The following AKR1C2 variants were observed in gnomAD, a reference collection of about 807,000 sequenced individuals.
AKR1C2 encodes 3-alpha-HSD3.
AKR1C2 carries 27 observed loss-of-function variants against 39.8 expected under a neutral mutation model. The observed-to-expected ratio is 0.68, with a 90% CI of 0.50 to 0.93. The LOEUF (loss-of-function observed/expected upper bound fraction) is 0.93. AKR1C2 is among the 40% of genes least tolerant of loss of function. The pLI is 0.00. For synonymous variants in AKR1C2, 114 were observed against 137.9 expected (o/e 0.83, Z 1.22); for missense variants, 263 against 365.1 (o/e 0.72, Z 2.28).
At chr10:5,000,142 G>C (rs41304583) in intron 3 of AKR1C2, 9 of 1,295,546 alleles carry the variant, frequency 6.9e-6, no homozygotes, top group Admixed American at 3.8e-5. Flanking sequence ...CTTGCCCCTT[G>C]AAAAGAGGCA....
At chr10:5,010,300 C>G (rs1337578269) in intron 1 of AKR1C2, 1 of 152,222 alleles carries the variant, frequency 6.6e-6, no homozygotes, top group Non-Finnish European at 1.5e-5. Flanking sequence ...ACCCCTGTCG[C>G]AAGTCCTGCA....
At chr10:5,006,838 C>CG (rs1397360552), upstream of AKR1C2, among the ~76,000 whole-genome samples, 29 of 150,152 alleles carry the variant, frequency 1.9e-4, no homozygotes, top group African/African-American at 3.2e-4. Context: ...TGCAGTGGTA[C>CG]ATCTCAGCTC....
chr10:5,014,691 G>T (rs143412589), intron 1 of AKR1C2, among the ~76,000 whole-genome samples: 1 of 152,162 alleles, frequency 6.6e-6, no homozygotes, highest in African/African-American at 2.4e-5. Flanking sequence ...CAGTGAAAGC[G>T]TTCCCTCTAG....
chr10:5,001,665 G>C lies in AKR1C2; in HGVS notation c.101C>G (p.Ala34Gly), dbSNP rs782384377. The stretch of plus-strand genomic sequence containing the variant: ...TATTGCCAATTTGACGGCCTCTAGA[G>C]CTTTACTTTTAGGAACCTGGGGGAG... ...YAPAEVPKSK[A>G]LEAVKLAIEA... The change falls in exon 2 of 9, where the codon GCT becomes GGT. Residue 34 changes from alanine to glycine, a missense_variant. Transcript: ENST00000380753. The C allele has an allele frequency of 2.5e-6, 4 of 1,613,810 alleles. No homozygotes were observed. The highest frequency in any genetic ancestry group is 3.4e-6 in the Non-Finnish European group (4 of 1,179,792).
At chr10:4,993,966 C>A (rs1237957917) in intron 7 of AKR1C2, among the ~76,000 whole-genome samples, 11 of 151,440 alleles carry the variant, frequency 7.3e-5, no homozygotes, top group Non-Finnish European at 1.3e-4. Context: ...TAATGAATGC[C>A]ATTACCTAGA....
chr10:5,000,912 T>A (rs1400009933), intron 2 of AKR1C2, among the ~76,000 whole-genome samples: 22 of 152,326 alleles, frequency 1.4e-4, no homozygotes, highest in African/African-American at 5.1e-4. Flanking sequence ...AAAGTTGTTA[T>A]CAAATCATAA....
At chr10:5,011,150 CCAA>C (rs1363717956) in intron 1 of AKR1C2, among the ~76,000 whole-genome samples, 1 of 151,972 alleles carries the variant, frequency 6.6e-6, no homozygotes, top group Admixed American at 6.6e-5. Context: ...GGAACTCAAC[CCAA>C]CAACAACAAT....
chr10:4,990,043 A>G lies in AKR1C2; in HGVS notation c.930-5T>C. The G allele has an allele frequency of 6.3e-7, 1 of 1,597,908 alleles. No individual in the cohort carries two copies. Among genetic ancestry groups the G allele is most frequent in the Non-Finnish European group, 8.5e-7 (1 of 1,175,222 alleles). ...TAATTAGGGGGGCCAGCAAAACTGG[A>G]AAGAGAAAAAAAAATGCACACTCTG... On this transcript the variant is annotated splice_region_variant and splice_polypyrimidine_tract_variant and intron_variant, in intron 8 of 8. Transcript: ENST00000380753.
intron 2 of AKR1C2, 96 bp downstream of exon 2, chr10:5,001,418 C>A: frequency 6.6e-7 from 1 of 1,523,204 alleles, no homozygotes; most frequent in East Asian, 2.3e-5. Flanking sequence ...TAAATAAGCA[C>A]AATTCACCCT....
At chr10:4,991,514 A>G (rs1434065836) in intron 8 of AKR1C2, among the ~76,000 whole-genome samples, 1 of 152,234 alleles carries the variant, frequency 6.6e-6, no homozygotes, top group Non-Finnish European at 1.5e-5. Flanking sequence ...CCATATCCAC[A>G]GTGTGTACAC....
intron 1 of AKR1C2, among the ~76,000 whole-genome samples, chr10:5,010,032 G>T (rs1251902658): frequency 7.0e-6 from 1 of 142,732 alleles, no homozygotes; most frequent in Non-Finnish European, 1.5e-5. Context: ...GACTCTTCTG[G>T]GATGCCTGGC....
At position 4,999,220 on chromosome 10, in the gene AKR1C2, C is replaced by A. The variant is rs782733376; in HGVS notation, c.427G>T (p.Asp143Tyr). Residue 143 changes from aspartate to tyrosine, a missense_variant, in exon 4 of 9, where the codon GAT becomes TAT. Around this residue, in one of 3 missense-constraint regions of AKR1C2, gnomAD observed 247 missense variants for 267.9 expected, o/e 0.92. Coordinates refer to ENST00000380753, the MANE Select transcript of AKR1C2 (RefSeq NM_001393392.1). ...ENGKILFDTV[D>Y]LCATWEAMEK... is the part of the protein sequence containing the mutation. ...CTCACCTCCCATGTGGCACAGAGATCCACTGTGTCAAATAGTATTTTTCCA... is the reference window on the plus strand; with the variant it reads ...CTCACCTCCCATGTGGCACAGAGATACACTGTGTCAAATAGTATTTTTCCA... 2.5e-6 allele frequency: 4 copies of A among 1,608,072 alleles called. No homozygotes were observed. Among genetic ancestry groups the A allele is most frequent in the Non-Finnish European group, 8.5e-7 (1 of 1,176,044 alleles).
chr10:5,008,638 A>G (rs1554774637), upstream of AKR1C2, among the ~76,000 whole-genome samples: 1 of 152,244 alleles, frequency 6.6e-6, no homozygotes, highest in East Asian at 1.9e-4. Context: ...GGAAAGGGAG[A>G]TGGGAAGAGG....
chr10:5,013,678 A>T (rs1588312436), intron 1 of AKR1C2: 1 of 152,410 alleles, frequency 6.6e-6, no homozygotes, highest in African/African-American at 2.4e-5. Flanking sequence ...GTTATTTGTC[A>T]TTAAACCTTT....
rs1837339971 is a variant in AKR1C2, at chr10:5,003,732, A to G, written c.84+20T>C. 7.5e-6 allele frequency: 12 copies of G among 1,609,224 alleles called. No homozygotes were observed. Among genetic ancestry groups the G allele is most frequent in the Non-Finnish European group, 1.0e-5 (12 of 1,175,860 alleles). On this transcript the variant is annotated intron_variant, in intron 1 of 8. Coordinates refer to ENST00000380753, the MANE Select transcript of AKR1C2 (RefSeq NM_001393392.1). ...ACTCTAGCTCCTTTGAACTCTCAAC[A>G]CTAAAAATATTATTGTTACCTCTGC...
At chr10:5,008,062 T>C (rs1402019044), upstream of AKR1C2, among the ~76,000 whole-genome samples, 1 of 151,574 alleles carries the variant, frequency 6.6e-6, no homozygotes, top group Non-Finnish European at 1.5e-5. Flanking sequence ...ACATGGCTGC[T>C]CTCACAGTTT....
At chr10:5,013,278 A>T (rs1401595575) in intron 1 of AKR1C2, 1 of 152,234 alleles carries the variant, frequency 6.6e-6, no homozygotes, top group Non-Finnish European at 1.5e-5. Context: ...TACCTTATCT[A>T]ATATTTATGA....
rs183623660 is a variant in AKR1C2, at chr10:4,988,852, A to G, written c.*1144T>C. 31 of 152,008 alleles carry G rather than the reference A, an allele frequency of 2.0e-4. No homozygotes were observed. The East Asian group carries it at 5.8e-3, about 28-fold the overall frequency. The allele number at this position is 152,008 out of a possible 1,614,324, so 9.4% of individuals were successfully genotyped here. A position where few individuals can be genotyped will look rare whatever the true frequency, so the allele number is the denominator to read the frequency against. On this transcript the variant is annotated 3_prime_UTR_variant, in exon 9 of 9. Transcript: ENST00000380753. ...GCTGATTTGATTAGTTCCCCTGAAA[A>G]TTATGTATAAGAATTAAATGCCTTT... is the stretch of plus-strand genomic sequence containing the variant.
At chr10:5,017,368 C>A (rs1358195514) in intron 1 of AKR1C2, among the ~76,000 whole-genome samples, 2 of 152,196 alleles carry the variant, frequency 1.3e-5, no homozygotes, top group Non-Finnish European at 2.9e-5. Flanking sequence ...GGCAGCCAGG[C>A]CACATCTTGC....
Sources: gnomAD v4.1 joint callset for allele counts (sites outside exome capture counted in the v4.1 genomes callset) on GRCh38, gnomAD v4.1.1 for gene constraint, gnomAD v4.1.1 regional missense constraint, MANE v1.5 for transcripts, NCBI Gene and HGNC (gene_info 2026-07-23, HGNC 2026-07-21) for gene names.